HRC: variants seen among roughly 807,000 people sequenced by gnomAD.
HRC encodes histidine rich calcium binding protein.
In HRC, 41 loss-of-function variants were observed where a neutral mutation model predicts 61.4. The ratio of observed to expected loss-of-function variants is 0.67; its 90% CI spans 0.52 to 0.87. The LOEUF is 0.87. Ranked by LOEUF, HRC falls within the 40% of genes least tolerant of loss-of-function variation. HRC has a pLI of 0.00. For missense variants in HRC, 839 were observed against 885.8 expected (o/e 0.95, Z 0.67); for synonymous variants, 308 against 326.6 (o/e 0.94, Z 0.62).
Position 49,153,356 on chromosome 19 carries a change from G to A in HRC, c.1832-25C>T. 6.2e-7 allele frequency: 1 copy of A among 1,612,374 alleles called. No homozygotes were observed. Among genetic ancestry groups the A allele is most frequent in the Non-Finnish European group, 8.5e-7 (1 of 1,178,492 alleles). On this transcript the variant is annotated intron_variant, in intron 1 of 5. Transcript: ENST00000252825. This position sits in a 1 kb window ranked among gnomAD's most constrained non-coding sequence, Gnocchi z 4.8. ...CCTGCGGGGACAGGAGGGCAGCAGT[G>A]ACCCAGGCTGACTCGGTTCCTTCCC...
chr19:49,151,847 G>A, intron 4 of HRC, 157 bp downstream of exon 4: 1 of 725,154 alleles, frequency 1.4e-6, no homozygotes, highest in Non-Finnish European at 2.3e-6. Flanking sequence ...GGTGTTCCTC[G>A]AGCCAGGCCC....
In HRC at chr19:49,153,132, AAGGATCTCTTTTC is replaced by A. The variant is rs936847251; in HGVS notation, c.1902+116_1902+128del. 4.2e-6 allele frequency: 3 copies of A among 720,818 alleles called. No homozygotes were observed. The highest frequency in any genetic ancestry group is 3.5e-5 in the African/African-American group (2 of 57,488). The allele number at this position is 720,818 out of a possible 1,614,324, so 44.7% of individuals were successfully genotyped here. A position where few individuals can be genotyped will look rare whatever the true frequency, so the allele number is the denominator to read the frequency against. On this transcript the variant is annotated intron_variant, in intron 2 of 5. Transcript: ENST00000252825. The surrounding 1 kb of genome is among the most constrained non-coding windows in gnomAD (Gnocchi z 4.8). Reference sequence around the variant, plus strand: ...CTGTCCTCACCTCACATGCCTGCAGAAGGATCTCTTTTCTTTCAGAACTGACCCTGGCCTGCCC... The same window carrying A: ...CTGTCCTCACCTCACATGCCTGCAGATTTCAGAACTGACCCTGGCCTGCCC...
chr19:49,152,436 G>T, intron 2 of HRC, 58 bp from the exon 3 acceptor site: 1 of 1,404,348 alleles, frequency 7.1e-7, no homozygotes, highest in Non-Finnish European at 9.8e-7. Context: ...GGAGGTACCC[G>T]CCCCTGGCCC....
rs369873837 is a variant in HRC, at chr19:49,154,165, G to A, written c.1073C>T (p.Ser358Phe). ...GGGACCCTGGTGCCAACGTTCAGTG[G>A]ACACATCCTCATCTTCTTCCTCGTC... ...HRDEEEDEDVSTERWHQGPQH... is the reference protein window; with the variant it reads ...HRDEEEDEDVFTERWHQGPQH... Residue 358 changes from serine (S) to phenylalanine (F), a missense_variant, in exon 1 of 6, where the codon TCC (serine) becomes TTC (phenylalanine). Ser to Phe is a radical substitution (Grantham distance 155, BLOSUM62 -2). Transcript: ENST00000252825. The A allele has an allele frequency of 6.0e-5, 97 of 1,613,786 alleles. No individual in the cohort carries two copies. Among genetic ancestry groups the A allele is most frequent in the Non-Finnish European group, 7.7e-5 (91 of 1,180,026 alleles).
rs1486089551 is a variant in HRC, at chr19:49,151,626, T to A, written c.2027-73A>T. The A allele has an allele frequency of 8.9e-6, 12 of 1,347,090 alleles. No homozygotes were observed. The East Asian group carries it at 2.8e-4, about 31-fold the overall frequency. 83.4% of individuals were successfully genotyped at this position (1,347,090 alleles called of 1,614,324 possible). ...AATTAGGCAGCCACTCAGTATAGCG[T>A]GCGAGATTAGTGCTAGCTCCACCTC... is the stretch of plus-strand genomic sequence containing the variant. On this transcript the variant is annotated intron_variant, in intron 4 of 5. Coordinates refer to ENST00000252825, the MANE Select transcript of HRC (RefSeq NM_002152.3).
chr19:49,153,666 T>C lies in HRC; in HGVS notation c.1572A>G (p.Glu524=), dbSNP rs775336989. 1 of 1,601,678 alleles carries C rather than the reference T, an allele frequency of 6.2e-7. No individual in the cohort carries two copies. Among genetic ancestry groups the C allele is most frequent in the Non-Finnish European group, 8.6e-7 (1 of 1,169,584 alleles). ...RDQEDEEDEE[E]GHGLSLNQEE... ...CCTGGTTCAGGCTGAGGCCATGACC[T>C]TCCTCCTCATCCTCCTCATCTTCCT... is the stretch of plus-strand genomic sequence containing the variant. Residue 524 remains glutamate, a synonymous_variant, in exon 1 of 6, where the codon GAA becomes GAG. Transcript: ENST00000252825. The surrounding 1 kb of genome is among the most constrained non-coding windows in gnomAD (Gnocchi z 4.8).
rs2041380368 is a variant in HRC, at chr19:49,153,387, C to T, written c.1831+20G>A. The T allele has an allele frequency of 6.2e-7, 1 of 1,613,416 alleles. No homozygotes were observed. Among genetic ancestry groups the T allele is most frequent in the Non-Finnish European group, 8.5e-7 (1 of 1,179,360 alleles). ...GGCTGACTCGGTTCCTTCCCACCCA[C>T]ACCAGCCCAGGCCACTTACCTGTGT... On this transcript the variant is annotated intron_variant, in intron 1 of 5. Coordinates refer to ENST00000252825, the MANE Select transcript of HRC (RefSeq NM_002152.3). This position sits in a 1 kb window ranked among gnomAD's most constrained non-coding sequence, Gnocchi z 4.8.
chr19:49,152,793 G>A (rs1022255439), intron 2 of HRC, among the ~76,000 whole-genome samples: 3 of 151,536 alleles, frequency 2.0e-5, no homozygotes, highest in Non-Finnish European at 4.4e-5. Context: ...GGATGGTCTC[G>A]ATCTCCTGAC....
chr19:49,153,327 T>C lies in HRC; in HGVS notation c.1836A>G (p.Pro612=). The change falls in exon 2 of 6, where the codon CCA becomes CCG. Residue 612 remains proline (P), a synonymous_variant. Coordinates refer to ENST00000252825, the MANE Select transcript of HRC (RefSeq NM_002152.3). The surrounding 1 kb of genome is among the most constrained non-coding windows in gnomAD (Gnocchi z 4.8). ...AGTTCCCATACTCCTGAGCATCCTGTGGACCTGCGGGGACAGGAGGGCAGC... is the reference window on the plus strand; with the variant it reads ...AGTTCCCATACTCCTGAGCATCCTGCGGACCTGCGGGGACAGGAGGGCAGC... ...SEEESGEDTG[P]QDAQEYGNYQ... is the part of the protein sequence containing the mutation. 1 of 1,613,870 alleles carries C rather than the reference T, an allele frequency of 6.2e-7. No homozygotes were observed. The highest frequency in any genetic ancestry group is 8.5e-7 in the Non-Finnish European group (1 of 1,179,784).
rs57199624 is a variant in HRC, at chr19:49,154,632, T to TTCCTCCTCCTCC, written c.594_605dup (p.Glu201_Glu204dup). ...GTCCATACTCAGTGGAGGCCTCCTCTTCCTCCTCCTCCTCCTCCTCCTCCT... is the reference window on the plus strand; with the variant it reads ...GTCCATACTCAGTGGAGGCCTCCTCTTCCTCCTCCTCCTCCTCCTCCTCCTCCTCCTCCTCCT... On this transcript the variant is annotated inframe_insertion, in exon 1 of 6. Transcript: ENST00000252825. 18 of 1,579,538 alleles carry TTCCTCCTCCTCC rather than the reference T, an allele frequency of 1.1e-5. No homozygotes were observed. The African/African-American group carries it at 1.3e-4, about 12-fold the overall frequency.
At chr19:49,152,197 G>T in intron 3 of HRC, 113 bp downstream of exon 3, 2 of 1,240,456 alleles carry the variant, frequency 1.6e-6, no homozygotes, top group Non-Finnish European at 2.4e-6. Context: ...AGTCAAGGTT[G>T]CATCAGGGGT....
intron 2 of HRC, 43 bp from the exon 3 acceptor site, chr19:49,152,421 A>C (rs1312978259): frequency 6.4e-7 from 1 of 1,564,388 alleles, no homozygotes; most frequent in Non-Finnish European, 8.8e-7. Flanking sequence ...CTCTAACGCC[A>C]CTTGGGAGGT....
At chr19:49,152,225 G>T in intron 3 of HRC, 85 bp downstream of exon 3, 1 of 1,362,232 alleles carries the variant, frequency 7.3e-7, no homozygotes, top group Non-Finnish European at 1.0e-6. Flanking sequence ...TGGGTCAGAG[G>T]CCAGGATTTA....
Position 49,154,835 on chromosome 19 carries a change from T to G in HRC, c.403A>C (p.Arg135=), listed in dbSNP as rs1397486530. The change falls in exon 1 of 6, where the codon AGA becomes CGA. Residue 135 remains arginine (R), a synonymous_variant. Transcript: ENST00000252825. ...TCCGTGTCTTCACTCCCGTGGCCTC[T>G]GTGCCCACGGGCCTGCCCACCATGC... The part of the protein sequence containing the change: ...AEHGGQARGH[R]GHGSEDTEDS... 1.2e-6 allele frequency: 2 copies of G among 1,614,114 alleles called. No homozygotes were observed. The highest frequency in any genetic ancestry group is 3.3e-5 in the Admixed American group (2 of 60,022).
At chr19:49,151,948 A>C in intron 4 of HRC, 56 bp downstream of exon 4, 1 of 1,556,458 alleles carries the variant, frequency 6.4e-7, no homozygotes, top group Non-Finnish European at 8.9e-7. Context: ...ACCAGGATTC[A>C]CCACGCTGGG....
chr19:49,151,895 C>A, intron 4 of HRC, 109 bp downstream of exon 4: 1 of 1,135,796 alleles, frequency 8.8e-7, no homozygotes, highest in Non-Finnish European at 1.3e-6. Flanking sequence ...CGCCTCCCCT[C>A]TTAGCCCCGC....
At chr19:49,152,459 T>C (rs904097891) in intron 2 of HRC, 81 bp from the exon 3 acceptor site, 10 of 1,102,566 alleles carry the variant, frequency 9.1e-6, no homozygotes, top group Non-Finnish European at 1.3e-5. Context: ...CCCTGCACCC[T>C]GGACGCTTCC....
In HRC at chr19:49,153,645, G is replaced by T. The variant is rs773725740; in HGVS notation, c.1593C>A (p.Asn531Lys). Residue 531 changes from asparagine (N) to lysine (K), a missense_variant, in exon 1 of 6, where the codon AAC becomes AAA. Coordinates refer to ENST00000252825, the MANE Select transcript of HRC (RefSeq NM_002152.3). This position sits in a 1 kb window ranked among gnomAD's most constrained non-coding sequence, Gnocchi z 4.8. Reference sequence around the variant, plus strand: ...TGTCTTCCTCTTCTTCCTCCTCCTGGTTCAGGCTGAGGCCATGACCTTCCT... The same window carrying T: ...TGTCTTCCTCTTCTTCCTCCTCCTGTTTCAGGCTGAGGCCATGACCTTCCT... ...DEEEGHGLSL[N>K]QEEEEEEDKE... 2 of 1,568,000 alleles carry T rather than the reference G, an allele frequency of 1.3e-6. No individual in the cohort carries two copies. The highest frequency in any genetic ancestry group is 1.8e-6 in the Non-Finnish European group (2 of 1,140,342).
chr19:49,153,370 C>G lies in HRC; in HGVS notation c.1831+37G>C, dbSNP rs373250549. 1 of 1,611,928 alleles carries G rather than the reference C, an allele frequency of 6.2e-7. No individual in the cohort carries two copies. The highest frequency in any genetic ancestry group is 1.1e-5 in the South Asian group (1 of 91,018). On this transcript the variant is annotated intron_variant, in intron 1 of 5. Coordinates refer to ENST00000252825, the MANE Select transcript of HRC (RefSeq NM_002152.3). The surrounding 1 kb of genome is among the most constrained non-coding windows in gnomAD (Gnocchi z 4.8). ...AGGGCAGCAGTGACCCAGGCTGACT[C>G]GGTTCCTTCCCACCCACACCAGCCC...
Sources: allele counts gnomAD v4.1 joint callset (sites outside exome capture counted in the v4.1 genomes callset), GRCh38; gene constraint gnomAD v4.1.1; non-coding constraint Gnocchi (gnomAD v3.1); transcripts MANE v1.5; gene names NCBI Gene and HGNC (gene_info 2026-07-23, HGNC 2026-07-21).